The following TRPM3 variants were observed in gnomAD, a reference collection of about 807,000 sequenced individuals.
The protein encoded by TRPM3 is long transient receptor potential channel 3.
Under a neutral mutation model 181.2 loss-of-function variants are expected in TRPM3, and 77 were observed. That is an observed-to-expected ratio of 0.42 (90% CI 0.35 to 0.51). TRPM3 has a LOEUF of 0.51. Among genes scored for constraint, TRPM3 ranks in the 20% least tolerant of loss-of-function variants. TRPM3 has a pLI of 0.01. For missense variants in TRPM3, 1,759 were observed against 2,196.7 expected, an observed-to-expected ratio of 0.80 and a Z score of 3.98; for synonymous variants, 745 against 796.4, an observed-to-expected ratio of 0.94 and a Z score of 1.09.
intron 7 of TRPM3, among the ~76,000 whole-genome samples, chr9:70,782,003 CA>C (rs1243884581): frequency 6.6e-6 from 1 of 151,484 alleles, no homozygotes; most frequent in Admixed American, 6.6e-5. Context: ...AACAAACAAA[CA>C]AACAAAAAAA....
chr9:71,205,843 G>A (rs1361423225), intron 1 of TRPM3, among the ~76,000 whole-genome samples: 2 of 152,152 alleles, frequency 1.3e-5, no homozygotes, highest in African/African-American at 2.4e-5. Flanking sequence ...TAGTTTCCAT[G>A]AGAAATGACC....
At chr9:70,788,347 C>T (rs1368628751) in intron 6 of TRPM3, among the ~76,000 whole-genome samples, 2 of 152,000 alleles carry the variant, frequency 1.3e-5, no homozygotes, top group Admixed American at 6.6e-5. Context: ...GATACATCTG[C>T]AAAGGGCATC....
At chr9:70,756,380 C>A (rs1395541718) in intron 8 of TRPM3, among the ~76,000 whole-genome samples, 1 of 152,070 alleles carries the variant, frequency 6.6e-6, no homozygotes, top group Non-Finnish European at 1.5e-5. Context: ...TAGACTCCCA[C>A]ACAATAATAG....
At chr9:71,353,504 A>C (rs902912791) in intron 1 of TRPM3, among the ~76,000 whole-genome samples, 1 of 152,174 alleles carries the variant, frequency 6.6e-6, no homozygotes, top group Non-Finnish European at 1.5e-5. Flanking sequence ...GGTTAAGGGC[A>C]ATCAACAGTC....
At chr9:71,320,673 T>C (rs1389589895) in intron 1 of TRPM3, among the ~76,000 whole-genome samples, 1 of 152,106 alleles carries the variant, frequency 6.6e-6, no homozygotes. Flanking sequence ...GGCAATCTCA[T>C]TCAGTCCCAA....
intron 17 of TRPM3, among the ~76,000 whole-genome samples, chr9:70,616,916 A>G (rs2062874709): frequency 6.6e-6 from 1 of 152,186 alleles, no homozygotes; most frequent in Non-Finnish European, 1.5e-5. Context: ...GTCTGACTGT[A>G]TTCCCCAAGT....
intron 22 of TRPM3, among the ~76,000 whole-genome samples, chr9:70,566,465 T>C (rs1313299432): frequency 6.6e-6 from 1 of 151,966 alleles, no homozygotes; most frequent in Non-Finnish European, 1.5e-5. Flanking sequence ...ATGTGGAGGC[T>C]TTGGAAGGAC....
At chr9:70,583,739 C>A (rs1053824555) in intron 22 of TRPM3, among the ~76,000 whole-genome samples, 1 of 152,180 alleles carries the variant, frequency 6.6e-6, no homozygotes, top group Non-Finnish European at 1.5e-5. Context: ...CTCTATTACA[C>A]AAAGTCTCCA....
At chr9:70,794,424 G>A (rs957336016) in intron 6 of TRPM3, among the ~76,000 whole-genome samples, 11 of 152,148 alleles carry the variant, frequency 7.2e-5, no homozygotes, top group African/African-American at 1.9e-4. Flanking sequence ...ATTCCAGTGA[G>A]GCTTGGCCTT....
Position 70,804,331 on chromosome 9 carries a change from GAAACA to G in TRPM3, c.974-20057_974-20053del, listed in dbSNP as rs139470888. 5.7e-3 allele frequency among the ~76,000 whole-genome samples: 861 copies of G among 152,012 alleles called. 11 individuals carry two copies. Among genetic ancestry groups the G allele is most frequent in the African/African-American group, 0.019 (790 of 41,462 alleles). On this transcript the variant is annotated intron_variant, in intron 6 of 25. Coordinates refer to ENST00000677713, the MANE Select transcript of TRPM3 (RefSeq NM_001366145.2). ...AGACTCCATCTCAAAAACAAACAAA[GAAACA>G]AAACAAAACAAAACAAAACCCAAAA...
intron 3 of TRPM3, among the ~76,000 whole-genome samples, chr9:70,853,048 C>A (rs1394118609): frequency 6.6e-6 from 1 of 152,108 alleles, no homozygotes; most frequent in Non-Finnish European, 1.5e-5. Context: ...TTTGACCTGA[C>A]CATGTCTTTT....
intron 1 of TRPM3, among the ~76,000 whole-genome samples, chr9:71,204,370 AAAAC>A (rs1278178387): frequency 4.6e-5 from 7 of 152,154 alleles, no homozygotes; most frequent in Non-Finnish European, 1.5e-5. Flanking sequence ...TTACAAGAAA[AAAAC>A]AAACAACCCC....
At chr9:71,178,098 G>A (rs1299311144) in intron 1 of TRPM3, among the ~76,000 whole-genome samples, 1 of 151,880 alleles carries the variant, frequency 6.6e-6, no homozygotes, top group Non-Finnish European at 1.5e-5. Context: ...ACAGTACACT[G>A]TAGATAAAAT....
chr9:70,848,720 G>A (rs2095092128), intron 3 of TRPM3, among the ~76,000 whole-genome samples: 1 of 28,782 alleles, frequency 3.5e-5, no homozygotes, highest in African/African-American at 1.4e-4. Context: ...GCTCACGCCT[G>A]TAATCCCAGC....
chr9:70,990,879 CAT>C (rs1299300436), intron 1 of TRPM3, among the ~76,000 whole-genome samples: 6 of 152,260 alleles, frequency 3.9e-5, no homozygotes, highest in African/African-American at 1.4e-4. Context: ...CTGAAGCTTG[CAT>C]ACTCAAAGTT....
intron 6 of TRPM3, among the ~76,000 whole-genome samples, chr9:70,815,876 T>C (rs2092644195): frequency 6.6e-6 from 1 of 152,208 alleles, no homozygotes; most frequent in African/African-American, 2.4e-5. Context: ...TTTGATATTA[T>C]GAAATGATGG....
intron 9 of TRPM3, among the ~76,000 whole-genome samples, chr9:70,647,662 A>G (rs867685146): frequency 6.6e-6 from 1 of 152,178 alleles, no homozygotes; most frequent in Non-Finnish European, 1.5e-5. Flanking sequence ...CACTACTTCT[A>G]TTCAACATAG....
At position 70,571,452 on chromosome 9, in the gene TRPM3, G is replaced by T. The variant is rs1435842349; in HGVS notation, c.3224-18142C>A. Among the ~76,000 whole-genome samples, 3 of 152,120 alleles carry T rather than the reference G, an allele frequency of 2.0e-5. No individual in the cohort carries two copies. In the East Asian group the frequency reaches 5.8e-4, roughly 29 times the overall value. On this transcript the variant is annotated intron_variant, in intron 22 of 25. Transcript: ENST00000677713. ...TGTACCTTGGAGGCTCAGAGTCCAG[G>T]TTTCTGAGCCGCCTGCCAGGGTTCT...
chr9:70,990,657 C>T (rs773692790), intron 1 of TRPM3, among the ~76,000 whole-genome samples: 6 of 152,104 alleles, frequency 3.9e-5, no homozygotes, highest in Non-Finnish European at 7.4e-5. Context: ...ACTGGTGTCA[C>T]CATTTTAAAC....
Sources: allele counts gnomAD v4.1 joint callset (sites outside exome capture counted in the v4.1 genomes callset), GRCh38; gene constraint gnomAD v4.1.1; transcripts MANE v1.5; gene names NCBI Gene and HGNC (gene_info 2026-07-23, HGNC 2026-07-21).